Variants in ANK3 observed in about 807,000 individuals in gnomAD.
The protein encoded by ANK3 is ankyrin 3.
A neutral mutation model predicts 370.9 loss-of-function variants in ANK3; 57 were observed. The ratio of observed to expected loss-of-function variants is 0.15; its 90% CI spans 0.12 to 0.19. The LOEUF (loss-of-function observed/expected upper bound fraction) is 0.19, where lower values mean the gene tolerates loss of function less well. Among genes scored for constraint, ANK3 ranks in the 10% least tolerant of loss-of-function variants. The pLI is 1.00. For missense variants in ANK3, 4,439 were observed against 5,302.1 expected (o/e 0.84, Z 5.06); for synonymous variants, 1,929 against 1,946.3 (o/e 0.99, Z 0.23).
At chr10:60,447,219 A>T (rs1319318179) in intron 2 of ANK3, among the ~76,000 whole-genome samples, 1 of 152,198 alleles carries the variant, frequency 6.6e-6, no homozygotes, top group South Asian at 2.1e-4. Context: ...AAGAAACCCC[A>T]TAAGAAAAAT....
At chr10:60,415,423 C>T (rs1326169294) in intron 2 of ANK3, among the ~76,000 whole-genome samples, 1 of 152,144 alleles carries the variant, frequency 6.6e-6, no homozygotes. Context: ...GAACTACTGC[C>T]AGATGACATC....
intron 1 of ANK3, among the ~76,000 whole-genome samples, chr10:60,294,256 T>A (rs2042052118): frequency 6.6e-6 from 1 of 152,164 alleles, no homozygotes. Flanking sequence ...ATAAATATAC[T>A]CTATATGGTG....
At chr10:60,333,236 G>A (rs1311359749) in intron 1 of ANK3, among the ~76,000 whole-genome samples, 1 of 151,986 alleles carries the variant, frequency 6.6e-6, no homozygotes, top group Non-Finnish European at 1.5e-5. Context: ...TGTCATGGTG[G>A]TTTGCTGCAC....
At chr10:60,521,005 A>ACCAG (rs1165409156) in intron 2 of ANK3, among the ~76,000 whole-genome samples, 1 of 151,990 alleles carries the variant, frequency 6.6e-6, no homozygotes, top group East Asian at 1.9e-4. Flanking sequence ...TCAGCAGCCA[A>ACCAG]CCAGCCATTA....
At chr10:60,593,957 A>G (rs1414456412) in intron 2 of ANK3, among the ~76,000 whole-genome samples, 2 of 152,214 alleles carry the variant, frequency 1.3e-5, no homozygotes, top group African/African-American at 4.8e-5. Flanking sequence ...TATTTTCCAC[A>G]TGCTCTAAAA....
chr10:60,068,738 G>A lies in ANK3; in HGVS notation c.12143C>T (p.Ser4048Leu), dbSNP rs374134328. The A allele has an allele frequency of 7.7e-5, 125 of 1,613,958 alleles. No individual in the cohort carries two copies. Among genetic ancestry groups the A allele is most frequent in the Admixed American group, 1.3e-4 (8 of 59,988 alleles). The change falls in exon 37 of 44, where the codon TCG (serine) becomes TTG (leucine). Residue 4048 changes from serine (S) to leucine (L), a missense_variant. This residue lies in a region of ANK3 where 496 missense variants were observed against 529.3 expected (regional missense o/e 0.94). Coordinates refer to ENST00000280772, the MANE Select transcript of ANK3 (RefSeq NM_020987.5). ...LSETSRGGQP[S>L]VTTKSARDKK... ...ATCTCTAGCAGACTTCGTTGTAACCGAAGGCTGGCCACCCCGGGAAGTCTC... is the reference window on the plus strand; with the variant it reads ...ATCTCTAGCAGACTTCGTTGTAACCAAAGGCTGGCCACCCCGGGAAGTCTC...
At chr10:60,383,880 T>C (rs1046287063) in intron 1 of ANK3, among the ~76,000 whole-genome samples, 1 of 151,442 alleles carries the variant, frequency 6.6e-6, no homozygotes, top group African/African-American at 2.4e-5. Flanking sequence ...AGCACTGAGC[T>C]TCAATAGCAA....
chr10:60,514,558 C>T (rs1042964540), intron 2 of ANK3, among the ~76,000 whole-genome samples: 1 of 152,080 alleles, frequency 6.6e-6, no homozygotes, highest in African/African-American at 2.4e-5. Context: ...TTAATCCCTT[C>T]AAATAAGCTC....
Position 60,074,587 on chromosome 10 carries a change from C to T in ANK3, c.6294G>A (p.Met2098Ile). 1 of 1,614,122 alleles carries T rather than the reference C, an allele frequency of 6.2e-7. No homozygotes were observed. Among genetic ancestry groups the T allele is most frequent in the Non-Finnish European group, 8.5e-7 (1 of 1,180,010 alleles). Residue 2098 changes from methionine to isoleucine, a missense_variant, in exon 37 of 44, where the codon ATG becomes ATA. By Grantham distance (10) the Met-to-Ile change is conservative (BLOSUM62 1). This residue lies in a region of ANK3 where 679 missense variants were observed against 791.0 expected (regional missense o/e 0.86). Coordinates refer to ENST00000280772, the MANE Select transcript of ANK3 (RefSeq NM_020987.5). ...TATCTGTTCCAAAAAAGGAATCAGC[C>T]ATTTTACACAATTCTTTCTCAGAGG... is the stretch of plus-strand genomic sequence containing the variant. ...TSTSEKELCK[M>I]ADSFFGTDTI...
In ANK3 at chr10:60,072,261, G is replaced by A. The variant is rs1278563360; in HGVS notation, c.8620C>T (p.Leu2874Phe). The A allele has an allele frequency of 3.1e-6, 5 of 1,613,956 alleles. No individual in the cohort carries two copies. The East Asian group carries it at 1.1e-4, about 36-fold the overall frequency. ...TGATTCTCTCTTACATCATGAACAA[G>A]TACATGCGAAAGTTTTTCTTTCTGA... ...KSQKEKLSHVLVHDVRENHIG... is the reference protein window; with the variant it reads ...KSQKEKLSHVFVHDVRENHIG... Residue 2874 changes from leucine to phenylalanine, a missense_variant, in exon 37 of 44, where the codon CTT (leucine) becomes TTT (phenylalanine). By Grantham distance (22) the Leu-to-Phe change is conservative. This residue lies in a region of ANK3 where 1,601 missense variants were observed against 1,731.7 expected (regional missense o/e 0.92). Coordinates refer to ENST00000280772, the MANE Select transcript of ANK3 (RefSeq NM_020987.5).
chr10:60,283,306 G>A (rs1379810084), intron 1 of ANK3, among the ~76,000 whole-genome samples: 5 of 66,232 alleles, frequency 7.5e-5, no homozygotes, highest in Non-Finnish European at 1.7e-4. Context: ...GGAATAACTA[G>A]GAGTTACTCA....
chr10:60,270,480 T>C (rs1240915492), intron 4 of ANK3, among the ~76,000 whole-genome samples: 2 of 152,158 alleles, frequency 1.3e-5, no homozygotes, highest in South Asian at 4.1e-4. Context: ...TCATAGTTAA[T>C]AGTCCAAGTA....
At position 60,309,894 on chromosome 10, in the gene ANK3, G is replaced by A. The variant is rs78548703; in HGVS notation, c.115-30255C>T. Among the ~76,000 whole-genome samples, 1,062 of 150,494 alleles carry A rather than the reference G, an allele frequency of 7.1e-3. 17 individuals are homozygous for A. Among genetic ancestry groups the A allele is most frequent in the Admixed American group, 0.043 (649 of 15,084 alleles). On this transcript the variant is annotated intron_variant, in intron 1 of 43. Transcript: ENST00000280772. Reference sequence around the variant, plus strand: ...GGCATTTTATCAGGCATATATCAGTGAAATCAATTTCTTTTCTTTTCTTTT... The same window carrying A: ...GGCATTTTATCAGGCATATATCAGTAAAATCAATTTCTTTTCTTTTCTTTT...
intron 1 of ANK3, among the ~76,000 whole-genome samples, chr10:60,724,894 G>A (rs2079919143): frequency 6.6e-6 from 1 of 152,112 alleles, no homozygotes; most frequent in South Asian, 2.1e-4. Flanking sequence ...ATAACAACGT[G>A]TTGTCTAGTT....
intron 1 of ANK3, among the ~76,000 whole-genome samples, chr10:60,671,627 G>T (rs946447058): frequency 1.4e-4 from 22 of 152,200 alleles, no homozygotes; most frequent in African/African-American, 5.3e-4. Flanking sequence ...TATGTCTGTT[G>T]TTCACTATTG....
intron 1 of ANK3, among the ~76,000 whole-genome samples, chr10:60,347,145 T>G (rs2055753153): frequency 6.6e-6 from 1 of 151,040 alleles, no homozygotes; most frequent in South Asian, 2.1e-4. Context: ...ATTTGCACAC[T>G]AGCAGGTGTT....
At chr10:60,499,850 C>T (rs956693929) in intron 2 of ANK3, among the ~76,000 whole-genome samples, 10 of 152,210 alleles carry the variant, frequency 6.6e-5, no homozygotes, top group African/African-American at 1.4e-4. Flanking sequence ...GTTGGCTTCA[C>T]TGAGTATCAA....
chr10:60,212,194 G>T (rs2096868243), intron 9 of ANK3, among the ~76,000 whole-genome samples: 1 of 152,132 alleles, frequency 6.6e-6, no homozygotes, highest in South Asian at 2.1e-4. Flanking sequence ...TTTAACATTG[G>T]TCCTTACTGC....
chr10:60,164,049 A>G (rs1037157170), intron 23 of ANK3, among the ~76,000 whole-genome samples: 2 of 152,226 alleles, frequency 1.3e-5, no homozygotes, highest in African/African-American at 2.4e-5. Flanking sequence ...TGGCAAGACT[A>G]TCAGGCAAAT....
Sources: gnomAD v4.1 joint callset for allele counts (sites outside exome capture counted in the v4.1 genomes callset) on GRCh38, gnomAD v4.1.1 for gene constraint, gnomAD v4.1.1 regional missense constraint, MANE v1.5 for transcripts, NCBI Gene and HGNC (gene_info 2026-07-23, HGNC 2026-07-21) for gene names.